NPSR1: variants seen among roughly 807,000 people sequenced by gnomAD.
NPSR1 encodes the protein neuropeptide S receptor.
A neutral mutation model predicts 46.9 loss-of-function variants in NPSR1; 48 were observed. The ratio of observed to expected loss-of-function variants is 1.02; its 90% CI spans 0.81 to 1.30. NPSR1 has a LOEUF of 1.30. Ranked by LOEUF, NPSR1 falls within the 50% of genes most tolerant of loss-of-function variation. NPSR1 has a pLI of 0.00. For missense variants in NPSR1, 450 were observed against 449.5 expected, an observed-to-expected ratio of 1.00 and a Z score of -0.01; for synonymous variants, 176 against 168.1, an observed-to-expected ratio of 1.05 and a Z score of -0.36.
chr7:34,789,198 G>A (rs910316268), intron 3 of NPSR1, among the ~76,000 whole-genome samples: 23 of 151,792 alleles, frequency 1.5e-4, no homozygotes, highest in African/African-American at 5.1e-4. Context: ...TCAAACAAAA[G>A]ATTTAAAATA....
intron 2 of NPSR1, among the ~76,000 whole-genome samples, chr7:34,704,847 CA>C (rs1470368598): frequency 1.3e-5 from 2 of 152,284 alleles, no homozygotes; most frequent in East Asian, 3.9e-4. Flanking sequence ...GCAAGGGAAA[CA>C]ATTAAAGGAG....
chr7:34,771,189 C>A (rs1786666297), intron 2 of NPSR1, among the ~76,000 whole-genome samples: 1 of 152,120 alleles, frequency 6.6e-6, no homozygotes, highest in East Asian at 1.9e-4. Context: ...AATCCTAGCA[C>A]TTTGAGAGGT....
In NPSR1 at chr7:34,802,197, C is replaced by T. The variant is rs1430184132; in HGVS notation, c.385-9573C>T. 2.0e-5 allele frequency among the ~76,000 whole-genome samples: 3 copies of T among 150,390 alleles called. No homozygotes were observed. In the East Asian group the frequency reaches 5.8e-4, roughly 29 times the overall value. On this transcript the variant is annotated intron_variant, in intron 3 of 8. Transcript: ENST00000360581. Reference sequence around the variant, plus strand: ...ATCAAGCTACAAATGACTTTCTTCACAGAATTGGAAAAAACTACTTTAAAC... The same window carrying T: ...ATCAAGCTACAAATGACTTTCTTCATAGAATTGGAAAAAACTACTTTAAAC...
At chr7:34,861,461 C>A (rs1791189996) in intron 8 of NPSR1, among the ~76,000 whole-genome samples, 2 of 151,686 alleles carry the variant, frequency 1.3e-5, no homozygotes, top group Non-Finnish European at 2.9e-5. Flanking sequence ...AATCTGGATG[C>A]CCGACTATCT....
chr7:34,709,321 A>T (rs995619745), intron 2 of NPSR1, among the ~76,000 whole-genome samples: 1 of 152,158 alleles, frequency 6.6e-6, no homozygotes, highest in Non-Finnish European at 1.5e-5. Flanking sequence ...AAAACTCTTA[A>T]CATTAATAAT....
At chr7:34,865,578 T>G (rs1791292876) in intron 8 of NPSR1, among the ~76,000 whole-genome samples, 1 of 151,798 alleles carries the variant, frequency 6.6e-6, no homozygotes, top group African/African-American at 2.4e-5. Context: ...ATGTGTTTTC[T>G]TTTTGTGCAG....
At chr7:34,871,886 C>T (rs936013079) in intron 8 of NPSR1, among the ~76,000 whole-genome samples, 1 of 151,952 alleles carries the variant, frequency 6.6e-6, no homozygotes, top group South Asian at 2.1e-4. Context: ...GTACTTGTGG[C>T]TTTTCCAGGC....
At chr7:34,856,458 C>G (rs941469186) in intron 8 of NPSR1, among the ~76,000 whole-genome samples, 7 of 151,628 alleles carry the variant, frequency 4.6e-5, no homozygotes, top group African/African-American at 1.7e-4. Context: ...AGAGAAAAAG[C>G]ATAAAATTTA....
intron 2 of NPSR1, among the ~76,000 whole-genome samples, chr7:34,697,009 G>A (rs556183207): frequency 3.7e-4 from 56 of 152,032 alleles, no homozygotes; most frequent in East Asian, 2.1e-3. Context: ...ATGTTTATAG[G>A]TAAACTGATA....
intron 3 of NPSR1, among the ~76,000 whole-genome samples, chr7:34,807,956 A>G (rs1388120342): frequency 6.6e-6 from 1 of 151,866 alleles, no homozygotes; most frequent in Non-Finnish European, 1.5e-5. Flanking sequence ...GTTACCTTAT[A>G]TAAGAAAAGG....
At chr7:34,787,814 A>T (rs1463197617) in intron 3 of NPSR1, among the ~76,000 whole-genome samples, 1 of 152,106 alleles carries the variant, frequency 6.6e-6, no homozygotes, top group Non-Finnish European at 1.5e-5. Context: ...CCTTATATGG[A>T]TGTGATTTAC....
intron 1 of NPSR1, among the ~76,000 whole-genome samples, chr7:34,659,149 T>A (rs963318445): frequency 3.3e-5 from 5 of 152,232 alleles, no homozygotes; most frequent in African/African-American, 1.2e-4. Flanking sequence ...TTGGTGAGTT[T>A]CACCTTCAAA....
chr7:34,795,064 A>C (rs1788112851), intron 3 of NPSR1, among the ~76,000 whole-genome samples: 1 of 152,012 alleles, frequency 6.6e-6, no homozygotes, highest in Non-Finnish European at 1.5e-5. Context: ...AGAATTATAC[A>C]CCACAAACAA....
chr7:34,816,059 T>C (rs1192941822), intron 4 of NPSR1, among the ~76,000 whole-genome samples: 4 of 152,074 alleles, frequency 2.6e-5, no homozygotes, highest in Admixed American at 1.3e-4. Flanking sequence ...CAAATTCACA[T>C]ATAACAATAT....
chr7:34,813,365 T>G (rs1275366293), intron 4 of NPSR1, among the ~76,000 whole-genome samples: 1 of 152,204 alleles, frequency 6.6e-6, no homozygotes, highest in Non-Finnish European at 1.5e-5. Context: ...CAATCGTTGT[T>G]CCAAGAGTGA....
At chr7:34,856,435 A>C (rs1197982177) in intron 8 of NPSR1, among the ~76,000 whole-genome samples, 1 of 151,726 alleles carries the variant, frequency 6.6e-6, no homozygotes, top group African/African-American at 2.4e-5. Context: ...AGTCATAAAA[A>C]GGCAGAAAAA....
At chr7:34,729,767 G>A (rs1784334504) in intron 2 of NPSR1, among the ~76,000 whole-genome samples, 1 of 152,116 alleles carries the variant, frequency 6.6e-6, no homozygotes. Flanking sequence ...AAATGCATAT[G>A]AACAAACTTT....
intron 2 of NPSR1, among the ~76,000 whole-genome samples, chr7:34,756,011 T>C (rs995167136): frequency 6.6e-6 from 1 of 152,174 alleles, no homozygotes; most frequent in African/African-American, 2.4e-5. Context: ...ACAGTACAAA[T>C]ACAGGTCTCT....
intron 6 of NPSR1, among the ~76,000 whole-genome samples, chr7:34,835,106 G>T (rs1207692802): frequency 1.3e-5 from 2 of 152,196 alleles, no homozygotes; most frequent in Non-Finnish European, 2.9e-5. Context: ...CCTGACCAAG[G>T]TCAACCTGGA....
Sources: gnomAD v4.1 joint callset for allele counts (sites outside exome capture counted in the v4.1 genomes callset) on GRCh38, gnomAD v4.1.1 for gene constraint, MANE v1.5 for transcripts, NCBI Gene and HGNC (gene_info 2026-07-23, HGNC 2026-07-21) for gene names.